Variants in NDUFA10 observed in about 807,000 individuals in gnomAD.
NDUFA10 encodes NADH dehydrogenase [ubiquinone] 1 alpha subcomplex subunit 10, mitochondrial.
Under a neutral mutation model 47.8 loss-of-function variants are expected in NDUFA10, and 40 were observed. The ratio of observed to expected loss-of-function variants is 0.84; its 90% confidence interval spans 0.65 to 1.09. The LOEUF is 1.09. Among genes scored for constraint, NDUFA10 ranks in the 50% least tolerant of loss-of-function variants. NDUFA10 has a pLI of 0.00. For missense variants in NDUFA10, 413 were observed against 451.1 expected, an observed-to-expected ratio of 0.92 and a Z score of 0.76; for synonymous variants, 183 against 172.2, an observed-to-expected ratio of 1.06 and a Z score of -0.49.
At chr2:240,018,464 C>T (rs762190163) in intron 4 of NDUFA10, 89 bp downstream of exon 4, 2 of 1,610,540 alleles carry the variant, frequency 1.2e-6, no homozygotes, top group South Asian at 2.2e-5. Flanking sequence ...AACAGACATT[C>T]ATAAACACAG....
intron 4 of NDUFA10, among the ~76,000 whole-genome samples, chr2:239,909,370 T>G (rs1292087622): frequency 6.6e-6 from 1 of 152,194 alleles, no homozygotes; most frequent in Non-Finnish European, 1.5e-5. Flanking sequence ...CTCAGCACTT[T>G]GGGAGGCCGA....
chr2:239,988,223 C>T (rs920839839), intron 9 of NDUFA10, among the ~76,000 whole-genome samples: 2 of 152,030 alleles, frequency 1.3e-5, no homozygotes, highest in African/African-American at 4.8e-5. Context: ...CATATACTAA[C>T]CAAAAGAAAG....
intron 4 of NDUFA10, among the ~76,000 whole-genome samples, chr2:239,925,342 C>G (rs900833638): frequency 6.6e-6 from 1 of 152,096 alleles, no homozygotes; most frequent in Non-Finnish European, 1.5e-5. Flanking sequence ...GAAAAGAGAA[C>G]AGAATAAAGA....
intron 4 of NDUFA10, among the ~76,000 whole-genome samples, chr2:239,934,206 C>T (rs1694223995): frequency 6.6e-6 from 1 of 152,178 alleles, no homozygotes; most frequent in Non-Finnish European, 1.5e-5. Flanking sequence ...TAGGCACCAT[C>T]TCCTGCCCTG....
At chr2:239,932,764 G>A (rs922045116) in intron 4 of NDUFA10, among the ~76,000 whole-genome samples, 4 of 152,070 alleles carry the variant, frequency 2.6e-5, no homozygotes, top group African/African-American at 9.7e-5. Context: ...TGTATTTTTA[G>A]TAGAGACGGG....
chr2:240,018,414 A>G, intron 4 of NDUFA10, 139 bp downstream of exon 4: 2 of 1,558,700 alleles, frequency 1.3e-6, no homozygotes, highest in Non-Finnish European at 1.7e-6. Context: ...TCCTTTTTCC[A>G]GCGGAGACCG....
intron 4 of NDUFA10, among the ~76,000 whole-genome samples, chr2:239,902,716 C>T (rs986455898): frequency 2.0e-5 from 3 of 152,078 alleles, no homozygotes; most frequent in African/African-American, 4.8e-5. Flanking sequence ...GCCTGGTGTG[C>T]GCTGTTTGTG....
At chr2:240,000,291 G>A (rs1574869299) in intron 8 of NDUFA10, among the ~76,000 whole-genome samples, 4 of 152,168 alleles carry the variant, frequency 2.6e-5, no homozygotes, top group African/African-American at 7.2e-5. Context: ...GTTACTGCCC[G>A]TGAAGGCCTT....
At chr2:240,022,433 T>C (rs1697661867) in intron 1 of NDUFA10, 93 bp from the exon 2 acceptor site, 9 of 1,573,708 alleles carry the variant, frequency 5.7e-6, no homozygotes, top group Admixed American at 1.8e-5. Context: ...AAGAAACCTC[T>C]TAGTGATAAA....
At chr2:239,910,926 G>A (rs1035125751) in intron 4 of NDUFA10, among the ~76,000 whole-genome samples, 5 of 152,298 alleles carry the variant, frequency 3.3e-5, no homozygotes, top group East Asian at 1.9e-4. Flanking sequence ...AGGCCGCTCC[G>A]TCCTGAGCAG....
intron 9 of NDUFA10, among the ~76,000 whole-genome samples, chr2:239,976,316 T>C (rs916397728): frequency 1.3e-5 from 2 of 152,022 alleles, no homozygotes; most frequent in African/African-American, 4.8e-5. Context: ...CTCGCCCCAC[T>C]CGCCACCCTC....
At chr2:239,992,607 G>A (rs577404272) in intron 8 of NDUFA10, among the ~76,000 whole-genome samples, 17 of 152,308 alleles carry the variant, frequency 1.1e-4, no homozygotes, top group Non-Finnish European at 2.4e-4. Flanking sequence ...GCAAAAAGAA[G>A]GTGGGTGTGA....
chr2:239,931,520 C>T lies in NDUFA10; in HGVS notation c.295-36206G>A, dbSNP rs374696528. ...CCACTCGCCTCGCCACAGCGTCTTT[C>T]CACCAAGCGGGGTCTCCTCGCCACA... On this transcript the variant is annotated intron_variant, in intron 4 of 5. Transcript: ENST00000419408. Among the ~76,000 whole-genome samples, 29 of 152,138 alleles carry T rather than the reference C, an allele frequency of 1.9e-4. No homozygotes were observed. In the East Asian group the frequency reaches 5.0e-3, roughly 26 times the overall value.
intron 4 of NDUFA10, among the ~76,000 whole-genome samples, chr2:239,916,938 G>A (rs1693890059): frequency 6.6e-6 from 1 of 152,240 alleles, no homozygotes; most frequent in Non-Finnish European, 1.5e-5. Context: ...GCCATGGGGT[G>A]CTGGCACCGT....
chr2:239,955,413 T>C (rs1318485337), downstream of NDUFA10, among the ~76,000 whole-genome samples: 3 of 152,192 alleles, frequency 2.0e-5, no homozygotes, highest in Admixed American at 2.0e-4. Context: ...CAGCGCTGGA[T>C]TCTGTGTTGT....
intron 9 of NDUFA10, among the ~76,000 whole-genome samples, chr2:239,984,606 T>C (rs1317451131): frequency 6.6e-6 from 1 of 152,120 alleles, no homozygotes; most frequent in Admixed American, 6.5e-5. Flanking sequence ...AACTGCTAGG[T>C]GAGCTCACCA....
At chr2:239,966,209 C>T (rs1312288329) in intron 9 of NDUFA10, among the ~76,000 whole-genome samples, 4 of 152,156 alleles carry the variant, frequency 2.6e-5, no homozygotes, top group Non-Finnish European at 5.9e-5. Flanking sequence ...GCCCAGTCAC[C>T]GACAACCTGG....
At chr2:239,996,501 C>T (rs888445411) in intron 8 of NDUFA10, among the ~76,000 whole-genome samples, 4 of 152,170 alleles carry the variant, frequency 2.6e-5, no homozygotes, top group Non-Finnish European at 5.9e-5. Flanking sequence ...AATAAAAATA[C>T]AACTTATCCA....
intron 9 of NDUFA10, among the ~76,000 whole-genome samples, chr2:239,968,064 A>G (rs988027523): frequency 2.0e-5 from 3 of 151,856 alleles, no homozygotes; most frequent in African/African-American, 7.3e-5. Flanking sequence ...CTGTGTCCTA[A>G]CTACTTTGAG....
Sources: allele counts gnomAD v4.1 joint callset (sites outside exome capture counted in the v4.1 genomes callset), GRCh38; gene constraint gnomAD v4.1.1; transcripts MANE v1.5; gene names NCBI Gene and HGNC (gene_info 2026-07-23, HGNC 2026-07-21).